The following ATP8A1 variants were observed in gnomAD, a reference collection of about 807,000 sequenced individuals.
The protein encoded by ATP8A1 is ATPase phospholipid transporting 8A1.
A neutral mutation model predicts 177.7 loss-of-function variants in ATP8A1; 90 were observed. The observed-to-expected ratio is 0.51, with a 90% confidence interval of 0.43 to 0.60. The LOEUF (loss-of-function observed/expected upper bound fraction) is 0.60. ATP8A1 is among the 20% of genes least tolerant of loss of function. ATP8A1 has a pLI of 0.00. For synonymous variants in ATP8A1, 493 were observed against 485.9 expected (o/e 1.01, Z -0.19); for missense variants, 1,072 against 1,392.8 (o/e 0.77, Z 3.67).
intron 33 of ATP8A1, among the ~76,000 whole-genome samples, chr4:42,431,020 TTA>T (rs1371358709): frequency 1.3e-5 from 2 of 151,900 alleles, no homozygotes; most frequent in Admixed American, 6.6e-5. Flanking sequence ...TATAATAGAC[TTA>T]TGTTTGTATG....
intron 20 of ATP8A1, among the ~76,000 whole-genome samples, chr4:42,528,389 G>C (rs1285293750): frequency 6.6e-6 from 1 of 152,152 alleles, no homozygotes. Flanking sequence ...TCAAGGACTT[G>C]AAAGACGCAG....
chr4:42,435,426 C>CAAAAAAAAAAAAAAAAAAAAAAA (rs55945370), intron 33 of ATP8A1, among the ~76,000 whole-genome samples: 3 of 93,986 alleles, frequency 3.2e-5, no homozygotes, highest in East Asian at 5.1e-4. Context: ...GACTTCATCT[C>CAAAAAAAAAAAAAAAAAAAAAAA]AAAAAAAAAA....
chr4:42,422,986 T>C (rs747850780), intron 34 of ATP8A1, 87 bp from the exon 35 acceptor site: 17 of 974,934 alleles, frequency 1.7e-5, no homozygotes, highest in Non-Finnish European at 2.7e-5. Flanking sequence ...TATCACGCGG[T>C]TGATAAAGCA....
intron 1 of ATP8A1, among the ~76,000 whole-genome samples, chr4:42,636,150 A>G (rs761796415): frequency 0.28 from 8,845 of 31,872 alleles, 618 homozygotes; most frequent in African/African-American, 0.45. Flanking sequence ...ACACACACAC[A>G]CACACACGCA....
At chr4:42,635,937 A>G (rs1391798763) in intron 1 of ATP8A1, among the ~76,000 whole-genome samples, 1 of 151,532 alleles carries the variant, frequency 6.6e-6, no homozygotes, top group East Asian at 1.9e-4. Flanking sequence ...TCAAGATACC[A>G]CAGATTCAGT....
chr4:42,573,086 G>T (rs1428649949), intron 14 of ATP8A1, among the ~76,000 whole-genome samples: 1 of 152,086 alleles, frequency 6.6e-6, no homozygotes, highest in African/African-American at 2.4e-5. Context: ...CCAAGAATAA[G>T]AAAAAACCTG....
intron 19 of ATP8A1, among the ~76,000 whole-genome samples, 184 bp downstream of exon 19, chr4:42,548,829 T>C (rs918076218): frequency 6.6e-6 from 1 of 152,198 alleles, no homozygotes; most frequent in African/African-American, 2.4e-5. Context: ...CTGAAGAAAG[T>C]GGTTTGTAAT....
At chr4:42,583,982 T>C (rs1733364106) in intron 9 of ATP8A1, among the ~76,000 whole-genome samples, 2 of 152,230 alleles carry the variant, frequency 1.3e-5, no homozygotes, top group Admixed American at 1.3e-4. Context: ...CAGATGTTCA[T>C]GGAACGATCA....
At chr4:42,532,647 G>C (rs1456387700) in intron 20 of ATP8A1, among the ~76,000 whole-genome samples, 1 of 152,176 alleles carries the variant, frequency 6.6e-6, no homozygotes, top group Non-Finnish European at 1.5e-5. Context: ...ATAGGAGGCA[G>C]GACTAACTTG....
At chr4:42,557,576 A>C (rs1187448374) in intron 15 of ATP8A1, among the ~76,000 whole-genome samples, 1 of 152,196 alleles carries the variant, frequency 6.6e-6, no homozygotes, top group Non-Finnish European at 1.5e-5. Context: ...TAAATCAGTT[A>C]CTATAATTGA....
rs1712714037 is a variant in ATP8A1, at chr4:42,412,324, C to T, written c.*592G>A. On this transcript the variant is annotated 3_prime_UTR_variant, in exon 37 of 37. Coordinates refer to ENST00000381668, the MANE Select transcript of ATP8A1 (RefSeq NM_006095.2). ...ATCTTACAGCGGAACTGGAAGTAAA[C>T]TTTCTCTTACATTTCTGGGCATATG... 6.6e-6 allele frequency: 1 copy of T among 152,310 alleles called. No homozygotes were observed. Among genetic ancestry groups the T allele is most frequent in the East Asian group, 1.9e-4 (1 of 5,186 alleles). 9.4% of individuals were successfully genotyped at this position (152,310 alleles called of 1,614,324 possible). A position where few individuals can be genotyped will look rare whatever the true frequency, so the allele number is the denominator to read the frequency against.
chr4:42,501,322 ACT>A (rs751866629), intron 24 of ATP8A1, among the ~76,000 whole-genome samples: 135 of 152,358 alleles, frequency 8.9e-4, no homozygotes, highest in Non-Finnish European at 1.5e-3. Context: ...TACTGTGCTA[ACT>A]ATGCTAATCC....
At chr4:42,505,749 A>G (rs139029542) in intron 23 of ATP8A1, among the ~76,000 whole-genome samples, 4 of 152,338 alleles carry the variant, frequency 2.6e-5, no homozygotes, top group Admixed American at 6.5e-5. Context: ...AAAATACACA[A>G]TATTTTAAAA....
intron 5 of ATP8A1, among the ~76,000 whole-genome samples, chr4:42,614,396 A>C (rs1736694199): frequency 6.6e-6 from 1 of 152,220 alleles, no homozygotes; most frequent in Non-Finnish European, 1.5e-5. Context: ...GCTGTTACTG[A>C]ATATTCTGAG....
At chr4:42,628,572 G>A (rs1226110955) in intron 1 of ATP8A1, among the ~76,000 whole-genome samples, 1 of 152,122 alleles carries the variant, frequency 6.6e-6, no homozygotes, top group Non-Finnish European at 1.5e-5. Context: ...ACATGGCTCC[G>A]AGTAGATTCT....
intron 33 of ATP8A1, among the ~76,000 whole-genome samples, chr4:42,429,045 T>C (rs1489748905): frequency 6.6e-6 from 1 of 152,210 alleles, no homozygotes; most frequent in Non-Finnish European, 1.5e-5. Context: ...AATTGCTGGA[T>C]AAATATGTTC....
chr4:42,531,148 T>C (rs1463056130), intron 20 of ATP8A1, among the ~76,000 whole-genome samples: 1 of 152,102 alleles, frequency 6.6e-6, no homozygotes, highest in Non-Finnish European at 1.5e-5. Context: ...GGGAAGAGTA[T>C]GTACGGAATA....
chr4:42,620,460 C>A (rs543181815), intron 4 of ATP8A1, among the ~76,000 whole-genome samples: 1 of 152,290 alleles, frequency 6.6e-6, no homozygotes, highest in Admixed American at 6.5e-5. Context: ...AAAAAAACTT[C>A]TTGGATACAA....
intron 5 of ATP8A1, among the ~76,000 whole-genome samples, chr4:42,611,344 C>A (rs1479748199): frequency 6.6e-6 from 1 of 152,060 alleles, no homozygotes; most frequent in East Asian, 1.9e-4. Context: ...AATCAGAAAA[C>A]TGCTTTATTA....
Sources: allele counts gnomAD v4.1 joint callset (sites outside exome capture counted in the v4.1 genomes callset), GRCh38; gene constraint gnomAD v4.1.1; transcripts MANE v1.5; gene names NCBI Gene and HGNC (gene_info 2026-07-23, HGNC 2026-07-21).